The following ZWILCH variants were observed in gnomAD, a reference collection of about 807,000 sequenced individuals.
ZWILCH encodes protein zwilch homolog.
Under a neutral mutation model 79.9 loss-of-function variants are expected in ZWILCH, and 74 were observed. The ratio of observed to expected loss-of-function variants is 0.93; its 90% CI spans 0.77 to 1.12. The LOEUF (loss-of-function observed/expected upper bound fraction) is 1.12, where lower values mean the gene tolerates loss of function less well. Ranked by LOEUF, ZWILCH falls within the 50% of genes most tolerant of loss-of-function variation. The pLI is 0.00. For missense variants in ZWILCH, 694 were observed against 687.5 expected (o/e 1.01, Z -0.11); for synonymous variants, 241 against 228.2 (o/e 1.06, Z -0.51).
Position 66,533,146 on chromosome 15 carries a change from C to T in ZWILCH, c.1341+133C>T, listed in dbSNP as rs894703649. 5 of 493,544 alleles carry T rather than the reference C, an allele frequency of 1.0e-5. No individual in the cohort carries two copies. The East Asian group carries it at 1.1e-4, about 11-fold the overall frequency. 30.6% of individuals were successfully genotyped at this position (493,544 alleles called of 1,614,324 possible). A position where few individuals can be genotyped will look rare whatever the true frequency, so the allele number is the denominator to read the frequency against. On this transcript the variant is annotated intron_variant, in intron 14 of 18. Transcript: ENST00000307897. ...ATGGATAAATAAGACAGTCAGTGCCCGTAGTTATTACTGCCTAGTAAGATA... is the reference window on the plus strand; with the variant it reads ...ATGGATAAATAAGACAGTCAGTGCCTGTAGTTATTACTGCCTAGTAAGATA...
rs1237936002 is a variant in ZWILCH at position 66,549,239 on chromosome 15, G to C, written c.*915G>C. ...GTTCACAGGCTCATCAGTGAATTCT[G>C]TACCACATTTCAACCTTGTTTATTT... On this transcript the variant is annotated 3_prime_UTR_variant, in exon 19 of 19. Transcript: ENST00000307897. The C allele has an allele frequency of 2.6e-5, 4 of 152,060 alleles. No homozygotes were observed. The highest frequency in any genetic ancestry group is 7.2e-5 in the African/African-American group (3 of 41,394). The allele number at this position is 152,060 out of a possible 1,614,324, so 9.4% of individuals were successfully genotyped here. A position where few individuals can be genotyped will look rare whatever the true frequency, so the allele number is the denominator to read the frequency against.
chr15:66,523,394 A>G (rs1273112410), intron 7 of ZWILCH: 8 of 268,580 alleles, frequency 3.0e-5, no homozygotes, highest in Admixed American at 1.0e-4. Context: ...TTCCTTGGGA[A>G]AAGGCAGGGG....
At chr15:66,507,173 T>C (rs1234325547) in intron 1 of ZWILCH, among the ~76,000 whole-genome samples, 1 of 152,214 alleles carries the variant, frequency 6.6e-6, no homozygotes, top group African/African-American at 2.4e-5. Flanking sequence ...TTTAAACCCT[T>C]TATACTTCAC....
At position 66,514,102 on chromosome 15, in the gene ZWILCH, T is replaced by G. The variant is rs367603411; in HGVS notation, c.201+19T>G. On this transcript the variant is annotated intron_variant, in intron 3 of 18. Coordinates refer to ENST00000307897, the MANE Select transcript of ZWILCH (RefSeq NM_017975.5). ...AAAAGTGGTAAGTACTGGTTTGACT[T>G]TGTGGTTGTTTAATTCTCCATAACC... 2.6e-6 allele frequency: 4 copies of G among 1,560,828 alleles called. No homozygotes were observed. Among genetic ancestry groups the G allele is most frequent in the Non-Finnish European group, 3.5e-6 (4 of 1,150,582 alleles).
At chr15:66,526,002 G>A (rs752381542) in intron 8 of ZWILCH, among the ~76,000 whole-genome samples, 1 of 151,952 alleles carries the variant, frequency 6.6e-6, no homozygotes, top group Non-Finnish European at 1.5e-5. Context: ...GACCTCAAGT[G>A]ATCCACCTGT....
Position 66,532,238 on chromosome 15 carries a change from G to T in ZWILCH, c.1156-9G>T. On this transcript the variant is annotated splice_polypyrimidine_tract_variant and intron_variant, in intron 12 of 18. Coordinates refer to ENST00000307897, the MANE Select transcript of ZWILCH (RefSeq NM_017975.5). ...ATTCATGGTTTTATAAAATTTTCCTGATTTCTAGCTCCATAGTGGAAGTAA... is the reference window on the plus strand; with the variant it reads ...ATTCATGGTTTTATAAAATTTTCCTTATTTCTAGCTCCATAGTGGAAGTAA... 1 of 1,552,638 alleles carries T rather than the reference G, an allele frequency of 6.4e-7. No individual in the cohort carries two copies. Among genetic ancestry groups the T allele is most frequent in the Non-Finnish European group, 8.6e-7 (1 of 1,157,262 alleles).
At chr15:66,525,212 A>G (rs529007564) in intron 8 of ZWILCH, among the ~76,000 whole-genome samples, 1 of 152,290 alleles carries the variant, frequency 6.6e-6, no homozygotes, top group East Asian at 1.9e-4. Context: ...ACTACGTACT[A>G]CTATAGCTAG....
intron 14 of ZWILCH, 122 bp downstream of exon 14, chr15:66,533,135 C>T (rs1894905318): frequency 3.6e-6 from 2 of 556,412 alleles, no homozygotes; most frequent in Non-Finnish European, 6.0e-6. Flanking sequence ...ATAAATAAGA[C>T]AGTCAGTGCC....
rs1895002962 is a variant in ZWILCH, at chr15:66,535,978, C to T, written c.1387C>T (p.Arg463Cys). ...PSVDIQEQVYRVQKLHHILEI... is the reference protein window; with the variant it reads ...PSVDIQEQVYCVQKLHHILEI... ...AGTAGATATACAAGAACAGGTTTAT[C>T]GTGTCCAAAAACTCCACCATATTCT... The change falls in exon 15 of 19, where the codon CGT (arginine) becomes TGT (cysteine). Residue 463 changes from arginine to cysteine, a missense_variant. By Grantham distance (180) the Arg-to-Cys change is radical. Transcript: ENST00000307897. The T allele has an allele frequency of 5.6e-6, 9 of 1,612,032 alleles. No individual in the cohort carries two copies. Among genetic ancestry groups the T allele is most frequent in the Non-Finnish European group, 5.9e-6 (7 of 1,179,476 alleles).
intron 15 of ZWILCH, among the ~76,000 whole-genome samples, chr15:66,536,465 C>T (rs1047253304): frequency 6.6e-6 from 1 of 152,192 alleles, no homozygotes; most frequent in South Asian, 2.1e-4. Context: ...AGACCTCTGT[C>T]AGTAGCATTG....
chr15:66,519,027 A>C lies in ZWILCH; in HGVS notation c.469A>C (p.Thr157Pro). 6.2e-7 allele frequency: 1 copy of C among 1,614,224 alleles called. No homozygotes were observed. Reference protein sequence around the residue: ...GTCWLGAELITTNNSITGIVL... With the variant: ...GTCWLGAELIPTNNSITGIVL... Reference sequence around the variant, plus strand: ...TTGTTGGCTAGGAGCTGAGCTTATCACAACAAACAACAGCATTACAGGAAT... The same window carrying C: ...TTGTTGGCTAGGAGCTGAGCTTATCCCAACAAACAACAGCATTACAGGAAT... The change falls in exon 5 of 19, where the codon ACA (threonine) becomes CCA (proline). Residue 157 changes from threonine to proline, a missense_variant. Transcript: ENST00000307897.
intron 8 of ZWILCH, 115 bp from the exon 9 acceptor site, chr15:66,527,175 A>G: frequency 1.4e-6 from 1 of 727,676 alleles, no homozygotes; most frequent in Non-Finnish European, 2.4e-6. Context: ...AGTACCTGGG[A>G]TGTGATAAAC....
chr15:66,517,793 C>T (rs1480025269), intron 4 of ZWILCH, among the ~76,000 whole-genome samples: 1 of 116,654 alleles, frequency 8.6e-6, no homozygotes, highest in East Asian at 2.8e-4. Flanking sequence ...AGTGCAATGG[C>T]GTGATCTCGG....
intron 2 of ZWILCH, among the ~76,000 whole-genome samples, chr15:66,509,463 T>C (rs1893947284): frequency 6.6e-6 from 1 of 152,176 alleles, no homozygotes; most frequent in Non-Finnish European, 1.5e-5. Context: ...ATTAGTATAA[T>C]GCATTTAAGA....
At chr15:66,515,336 C>T (rs1056492978) in intron 3 of ZWILCH, among the ~76,000 whole-genome samples, 190 bp from the exon 4 acceptor site, 1 of 152,150 alleles carries the variant, frequency 6.6e-6, no homozygotes, top group Non-Finnish European at 1.5e-5. Context: ...TTGAAATGCT[C>T]CTGATGGCAA....
At chr15:66,545,021 C>T (rs372014148) in intron 17 of ZWILCH, among the ~76,000 whole-genome samples, 25 of 138,492 alleles carry the variant, frequency 1.8e-4, no homozygotes, top group African/African-American at 6.1e-4. Context: ...GGATTACAGG[C>T]GTGAGCCACT....
chr15:66,537,606 G>A (rs1024674830), intron 16 of ZWILCH, among the ~76,000 whole-genome samples: 9 of 151,978 alleles, frequency 5.9e-5, no homozygotes, highest in Non-Finnish European at 1.0e-4. Context: ...CAGGAGAATC[G>A]CTTAAACCTG....
chr15:66,521,248 T>C, intron 7 of ZWILCH, 43 bp downstream of exon 7: 2 of 1,595,370 alleles, frequency 1.3e-6, no homozygotes, highest in South Asian at 1.1e-5. Context: ...ATGAGACTCC[T>C]AAATGTTGGC....
intron 1 of ZWILCH, among the ~76,000 whole-genome samples, chr15:66,506,842 A>G (rs1237046371): frequency 6.6e-6 from 1 of 151,394 alleles, no homozygotes; most frequent in Non-Finnish European, 1.5e-5. Context: ...TCCTCTATTG[A>G]TACAACTTTA....
Sources: allele counts gnomAD v4.1 joint callset (sites outside exome capture counted in the v4.1 genomes callset), GRCh38; gene constraint gnomAD v4.1.1; transcripts MANE v1.5; gene names NCBI Gene and HGNC (gene_info 2026-07-23, HGNC 2026-07-21).